Variants in SORCS2 observed in about 807,000 individuals in gnomAD.
SORCS2 encodes VPS10 domain-containing receptor SorCS2.
A neutral mutation model predicts 141.6 loss-of-function variants in SORCS2; 100 were observed. The observed-to-expected ratio is 0.71, with a 90% CI of 0.60 to 0.83. SORCS2 has a LOEUF of 0.83. Among genes scored for constraint, SORCS2 ranks in the 40% least tolerant of loss-of-function variants. The probability of loss-of-function intolerance (pLI) is 0.00; values close to 1 mark genes in which losing one functional copy is unlikely to be tolerated. For missense variants in SORCS2, 1,646 were observed against 1,560.2 expected, an observed-to-expected ratio of 1.05 and a Z score of -0.93; for synonymous variants, 789 against 676.9, an observed-to-expected ratio of 1.17 and a Z score of -2.57.
chr4:7,460,081 T>C (rs560527620), intron 2 of SORCS2: 1 of 93,448 alleles, frequency 1.1e-5, no homozygotes, highest in South Asian at 3.3e-4. Context: ...CTCTACCTTG[T>C]CAGGTGACCC....
At chr4:7,473,152 C>G (rs948774505) in intron 2 of SORCS2, among the ~76,000 whole-genome samples, 4 of 152,166 alleles carry the variant, frequency 2.6e-5, no homozygotes, top group African/African-American at 7.2e-5. Context: ...ATGCTAATGA[C>G]CAAACATCAG....
intron 23 of SORCS2, among the ~76,000 whole-genome samples, chr4:7,729,960 G>A (rs926012260): frequency 6.6e-6 from 1 of 152,106 alleles, no homozygotes; most frequent in Non-Finnish European, 1.5e-5. Flanking sequence ...CCTCCCAGGG[G>A]GCTCGCTCAT....
intron 1 of SORCS2, among the ~76,000 whole-genome samples, chr4:7,382,218 G>A (rs756216755): frequency 1.3e-5 from 2 of 152,144 alleles, no homozygotes; most frequent in African/African-American, 2.4e-5. Flanking sequence ...GAGCAATGGG[G>A]GTCTTGGTCT....
chr4:7,325,906 TGGG>T (rs1238770837), intron 1 of SORCS2, among the ~76,000 whole-genome samples: 1 of 151,708 alleles, frequency 6.6e-6, no homozygotes, highest in Admixed American at 6.6e-5. Context: ...GGGGCGGAGT[TGGG>T]GGGTTGGTAC....
chr4:7,381,617 ACT>A (rs199756285), intron 1 of SORCS2, among the ~76,000 whole-genome samples: 55 of 152,140 alleles, frequency 3.6e-4, no homozygotes, highest in African/African-American at 1.3e-3. Flanking sequence ...CAGGCAGCCA[ACT>A]CTCTTACTCA....
chr4:7,350,427 G>A (rs1256663649), intron 1 of SORCS2, among the ~76,000 whole-genome samples: 2 of 152,252 alleles, frequency 1.3e-5, no homozygotes, highest in Non-Finnish European at 2.9e-5. Flanking sequence ...CTGGATCTAG[G>A]GAGGGCCTCG....
At chr4:7,198,261 C>T (rs1374717458) in intron 1 of SORCS2, among the ~76,000 whole-genome samples, 1 of 152,142 alleles carries the variant, frequency 6.6e-6, no homozygotes, top group African/African-American at 2.4e-5. Flanking sequence ...TTCTAGGCTC[C>T]AGGCCAGCCT....
chr4:7,561,924 TATCC>T (rs1290291306), intron 3 of SORCS2, among the ~76,000 whole-genome samples: 1 of 152,100 alleles, frequency 6.6e-6, no homozygotes, highest in Non-Finnish European at 1.5e-5. Context: ...TCCATCTACC[TATCC>T]ATCCATCTAT....
chr4:7,217,717 T>A (rs1334705813), intron 1 of SORCS2, among the ~76,000 whole-genome samples: 1 of 152,092 alleles, frequency 6.6e-6, no homozygotes, highest in African/African-American at 2.4e-5. Context: ...TGGGGGTGTG[T>A]GACAACACGC....
intron 3 of SORCS2, among the ~76,000 whole-genome samples, chr4:7,602,385 C>T (rs992795911): frequency 3.3e-5 from 5 of 151,492 alleles, no homozygotes; most frequent in Non-Finnish European, 5.9e-5. Flanking sequence ...CGGAGGGGCT[C>T]CTCACTTCTC....
chr4:7,328,215 T>C (rs1376084574), intron 1 of SORCS2, among the ~76,000 whole-genome samples: 1 of 150,450 alleles, frequency 6.6e-6, no homozygotes, highest in African/African-American at 2.5e-5. Context: ...TTTTCATTTT[T>C]AGTAGAGATG....
At chr4:7,594,142 G>A (rs1420688742) in intron 3 of SORCS2, among the ~76,000 whole-genome samples, 2 of 152,172 alleles carry the variant, frequency 1.3e-5, no homozygotes, top group African/African-American at 4.8e-5. Flanking sequence ...GTGAAGGGTG[G>A]ACTAGGCTGT....
At chr4:7,740,134 C>T in intron 26 of SORCS2, 66 bp from the exon 27 acceptor site, 1 of 1,417,042 alleles carries the variant, frequency 7.1e-7, no homozygotes, top group Non-Finnish European at 9.7e-7. Flanking sequence ...ACGACCGTGT[C>T]CCCTGTGGCC....
chr4:7,706,298 T>A (rs200165711), intron 14 of SORCS2, among the ~76,000 whole-genome samples: 1 of 22,710 alleles, frequency 4.4e-5, no homozygotes, highest in African/African-American at 1.3e-4. Context: ...CTGGGCTCCG[T>A]CTGGGCAGGG....
intron 2 of SORCS2, among the ~76,000 whole-genome samples, chr4:7,444,948 C>T (rs1226506193): frequency 4.6e-5 from 7 of 152,156 alleles, no homozygotes; most frequent in African/African-American, 1.2e-4. Context: ...CCGGAGGAGG[C>T]GACCCAGGCA....
At chr4:7,292,896 T>G (rs1283915380) in intron 1 of SORCS2, among the ~76,000 whole-genome samples, 1 of 152,258 alleles carries the variant, frequency 6.6e-6, no homozygotes, top group African/African-American at 2.4e-5. Context: ...CCATGCTTAT[T>G]AGAAAATACA....
At chr4:7,442,806 A>G (rs556138531) in intron 2 of SORCS2, among the ~76,000 whole-genome samples, 1 of 151,686 alleles carries the variant, frequency 6.6e-6, no homozygotes, top group East Asian at 2.0e-4. Flanking sequence ...TCAGGCTGAC[A>G]AAACAGTGTA....
At chr4:7,695,345 TG>T (rs1724544465) in intron 11 of SORCS2, among the ~76,000 whole-genome samples, 1 of 58,118 alleles carries the variant, frequency 1.7e-5, no homozygotes, top group African/African-American at 8.4e-5. Flanking sequence ...GATGGATGGA[TG>T]GATTGGTGGG....
intron 1 of SORCS2, among the ~76,000 whole-genome samples, chr4:7,235,577 G>A (rs1712209521): frequency 6.6e-6 from 1 of 152,228 alleles, no homozygotes. Flanking sequence ...GGAGGTGTTT[G>A]TGGCCTGGCC....
Sources: allele counts gnomAD v4.1 joint callset (sites outside exome capture counted in the v4.1 genomes callset), GRCh38; gene constraint gnomAD v4.1.1; transcripts MANE v1.5; gene names NCBI Gene and HGNC (gene_info 2026-07-23, HGNC 2026-07-21).